Variants in WNT5A observed in about 807,000 individuals in gnomAD.
The protein encoded by WNT5A is protein Wnt-5a.
A neutral mutation model predicts 42.1 loss-of-function variants in WNT5A; 9 were observed. The ratio of observed to expected loss-of-function variants is 0.21; its 90% confidence interval spans 0.13 to 0.37. The LOEUF is 0.37. WNT5A is among the 10% of genes least tolerant of loss of function. The pLI, the probability that WNT5A is intolerant of heterozygous loss-of-function variation, is 1.00. For missense variants in WNT5A, 426 were observed against 534.0 expected, an observed-to-expected ratio of 0.80 and a Z score of 1.99; for synonymous variants, 210 against 210.0, an observed-to-expected ratio of 1.00 and a Z score of 0.00.
At chr3:55,473,784 G>A (rs1485576183) in intron 4 of WNT5A, among the ~76,000 whole-genome samples, 1 of 151,694 alleles carries the variant, frequency 6.6e-6, no homozygotes, top group East Asian at 1.9e-4. Flanking sequence ...GCTGGGGTGA[G>A]GGCTTTCCCA....
intron 4 of WNT5A, 36 bp downstream of exon 4, chr3:55,474,301 C>A: frequency 6.2e-7 from 1 of 1,610,974 alleles, no homozygotes; most frequent in Non-Finnish European, 8.5e-7. Flanking sequence ...GGTGAGAAGA[C>A]AGAGATGCGG....
At chr3:55,470,861 C>A (rs1222373515) in intron 4 of WNT5A, among the ~76,000 whole-genome samples, 1 of 152,172 alleles carries the variant, frequency 6.6e-6, no homozygotes, top group Non-Finnish European at 1.5e-5. Flanking sequence ...CATGTGGACA[C>A]TCATCCCAGA....
intron 4 of WNT5A, among the ~76,000 whole-genome samples, chr3:55,472,548 C>G (rs879607252): frequency 2.0e-5 from 3 of 152,108 alleles, no homozygotes; most frequent in Non-Finnish European, 2.9e-5. Flanking sequence ...CCACCCCCCC[C>G]AAATTTTCAT....
intron 1 of WNT5A, among the ~76,000 whole-genome samples, chr3:55,486,126 A>C (rs2051573654): frequency 6.6e-6 from 1 of 152,250 alleles, no homozygotes; most frequent in Non-Finnish European, 1.5e-5. Flanking sequence ...CAATTAAAAC[A>C]AACAAGAGTT....
chr3:55,504,565 A>G, the WNT5A span, among the ~76,000 whole-genome samples: 1 of 152,104 alleles, frequency 6.6e-6, no homozygotes, highest in African/African-American at 2.4e-5. Context: ...CCCGGGTTCA[A>G]GCGATTCTCC....
At position 55,467,314 on chromosome 3, in the gene WNT5A, A is replaced by G. The variant is rs2051160882; in HGVS notation, c.*2778T>C. On this transcript the variant is annotated 3_prime_UTR_variant, in exon 5 of 5. Transcript: ENST00000264634. Reference sequence around the variant, plus strand: ...ACAATTAAGTTACATGCATAATGCTAAAAGAATGTGAGCAATCCTATAACC... The same window carrying G: ...ACAATTAAGTTACATGCATAATGCTGAAAGAATGTGAGCAATCCTATAACC... The G allele has an allele frequency of 1.3e-5, 2 of 152,580 alleles. No homozygotes were observed. Among genetic ancestry groups the G allele is most frequent in the Non-Finnish European group, 2.9e-5 (2 of 68,012 alleles). The allele number at this position is 152,580 out of a possible 1,614,324, so 9.5% of individuals were successfully genotyped here. A position where few individuals can be genotyped will look rare whatever the true frequency, so the allele number is the denominator to read the frequency against.
chr3:55,490,907 G>T (rs775630888), upstream of WNT5A, among the ~76,000 whole-genome samples: 2 of 152,094 alleles, frequency 1.3e-5, no homozygotes, highest in African/African-American at 4.8e-5. Flanking sequence ...CAACAAAACC[G>T]TCTAGTCCCA....
intron 1 of WNT5A, among the ~76,000 whole-genome samples, chr3:55,486,167 G>A (rs1236151411): frequency 2.0e-5 from 3 of 152,074 alleles, no homozygotes; most frequent in African/African-American, 7.2e-5. Flanking sequence ...CTCTCCCAAA[G>A]CGGAGGCCCA....
At chr3:55,486,728 A>C (rs1011869494) in intron 1 of WNT5A, among the ~76,000 whole-genome samples, 1 of 152,218 alleles carries the variant, frequency 6.6e-6, no homozygotes, top group African/African-American at 2.4e-5. Context: ...GCTCTTCCCC[A>C]CTTTTTCTCA....
At chr3:55,502,918 C>A in the WNT5A span, among the ~76,000 whole-genome samples, 3 of 152,172 alleles carry the variant, frequency 2.0e-5, no homozygotes, top group African/African-American at 7.2e-5. Flanking sequence ...GGCATTAGGC[C>A]TTTTTCTGTT....
At chr3:55,479,200 C>T (rs1024609825) in intron 3 of WNT5A, 114 bp downstream of exon 3, 17 of 1,231,372 alleles carry the variant, frequency 1.4e-5, no homozygotes, top group Admixed American at 3.2e-5. Flanking sequence ...AGCCACCACC[C>T]GAGCTGGAAG....
intron 1 of WNT5A, among the ~76,000 whole-genome samples, chr3:55,481,689 G>A (rs988779111): frequency 1.2e-4 from 18 of 152,114 alleles, no homozygotes; most frequent in Admixed American, 3.3e-4. Context: ...GGCCCTAGGG[G>A]ATAATGGAGA....
Position 55,470,080 on chromosome 3 carries a change from G to A in WNT5A, c.*12C>T, listed in dbSNP as rs1393241352. 6.2e-7 allele frequency: 1 copy of A among 1,613,920 alleles called. No individual in the cohort carries two copies. Among genetic ancestry groups the A allele is most frequent in the East Asian group, 2.2e-5 (1 of 44,886 alleles). ...GGTCCTGGGAGCGGGGCTGAGTGCT[G>A]GGTGGCACCCACTACTTGCACACAA... is the stretch of plus-strand genomic sequence containing the variant. On this transcript the variant is annotated 3_prime_UTR_variant, in exon 5 of 5. Coordinates refer to ENST00000264634, the MANE Select transcript of WNT5A (RefSeq NM_003392.7).
chr3:55,488,693 C>G (rs2051621100), upstream of WNT5A, among the ~76,000 whole-genome samples: 1 of 152,090 alleles, frequency 6.6e-6, no homozygotes, highest in African/African-American at 2.4e-5. Context: ...CACTCCGCAG[C>G]CGCTGCCTGC....
intron 3 of WNT5A, among the ~76,000 whole-genome samples, chr3:55,475,947 C>T (rs1003827315): frequency 3.9e-5 from 6 of 152,136 alleles, no homozygotes; most frequent in Non-Finnish European, 8.8e-5. Flanking sequence ...GATTGGGGGG[C>T]AGGCTCACTT....
In WNT5A at chr3:55,467,364, CTTTTTTT is replaced by C. The variant is rs34280613; in HGVS notation, c.*2721_*2727del. The C allele has an allele frequency of 1.5e-5, 2 of 134,488 alleles. No homozygotes were observed. Among genetic ancestry groups the C allele is most frequent in the African/African-American group, 2.7e-5 (1 of 36,658 alleles). 8.3% of individuals were successfully genotyped at this position (134,488 alleles called of 1,614,324 possible). A position where few individuals can be genotyped will look rare whatever the true frequency, so the allele number is the denominator to read the frequency against. On this transcript the variant is annotated 3_prime_UTR_variant, in exon 5 of 5. Coordinates refer to ENST00000264634, the MANE Select transcript of WNT5A (RefSeq NM_003392.7). The stretch of plus-strand genomic sequence containing the variant: ...CAGCTTTAAGCCATCTGCTTGATTT[CTTTTTTT>C]TTTTTTTTTGTAAGGAACATATATA...
intron 3 of WNT5A, among the ~76,000 whole-genome samples, chr3:55,477,820 T>C (rs1215042890): frequency 6.6e-6 from 1 of 152,178 alleles, no homozygotes; most frequent in Non-Finnish European, 1.5e-5. Context: ...ACAGTTCCGA[T>C]TGCTGTTTTC....
intron 3 of WNT5A, among the ~76,000 whole-genome samples, chr3:55,476,499 G>A (rs551078555): frequency 4.6e-5 from 7 of 152,318 alleles, no homozygotes; most frequent in African/African-American, 1.7e-4. Context: ...AAAGTAGCTA[G>A]AGGAAGAGGA....
rs867505595 is a variant in WNT5A at position 55,468,437 on chromosome 3, C to T, written c.*1655G>A. ...GCATTTCAGTGAGTCAGAACTCAAG[C>T]TTCCTCAGAAACAAGGTTGCTTCGT... is the stretch of plus-strand genomic sequence containing the variant. On this transcript the variant is annotated 3_prime_UTR_variant, in exon 5 of 5. Coordinates refer to ENST00000264634, the MANE Select transcript of WNT5A (RefSeq NM_003392.7). 9 of 152,164 alleles carry T rather than the reference C, an allele frequency of 5.9e-5. No homozygotes were observed. The highest frequency in any genetic ancestry group is 2.1e-4 in the South Asian group (1 of 4,820). The allele number at this position is 152,164 out of a possible 1,614,324, so 9.4% of individuals were successfully genotyped here. A position where few individuals can be genotyped will look rare whatever the true frequency, so the allele number is the denominator to read the frequency against.
Sources: allele counts gnomAD v4.1 joint callset (sites outside exome capture counted in the v4.1 genomes callset), GRCh38; gene constraint gnomAD v4.1.1; transcripts MANE v1.5; gene names NCBI Gene and HGNC (gene_info 2026-07-23, HGNC 2026-07-21).